PMS2: variants seen among roughly 807,000 people sequenced by gnomAD.
PMS2 encodes mismatch repair endonuclease PMS2.
In PMS2, 69 loss-of-function variants were observed where a neutral mutation model predicts 90.0. That is an observed-to-expected ratio of 0.77 (90% CI 0.63 to 0.94). The LOEUF (loss-of-function observed/expected upper bound fraction) is 0.94. PMS2 is among the 40% of genes least tolerant of loss of function. The probability of loss-of-function intolerance (pLI) is 0.00; values close to 1 mark genes in which losing one functional copy is unlikely to be tolerated. For synonymous variants in PMS2, 332 were observed against 375.1 expected (o/e 0.89, Z 1.33); for missense variants, 966 against 1,040.2 (o/e 0.93, Z 0.98).
intron 14 of PMS2, among the ~76,000 whole-genome samples, chr7:5,976,997 C>T (rs1257075959): frequency 8.4e-6 from 1 of 119,720 alleles, no homozygotes; most frequent in African/African-American, 3.0e-5. Flanking sequence ...TGCCACTGCA[C>T]TCCAGCCTGG....
Position 6,009,012 on chromosome 7 carries a change from C to T in PMS2, c.8G>A (p.Arg3Gln), listed in dbSNP as rs375507981. Reference protein sequence around the residue: MERAESSSTEPAK... With the variant: MEQAESSSTEPAK... ...CCCCGCTCACCTCGAGCTCTCAGCT[C>T]GCTCCATGGATGCAACACCCGATCC... Residue 3 changes from arginine (R) to glutamine (Q), a missense_variant, in exon 1 of 15, where the codon CGA becomes CAA. This residue lies in a region of PMS2 where 871 missense variants were observed against 802.4 expected (regional missense o/e 1.09). Coordinates refer to ENST00000265849, the MANE Select transcript of PMS2 (RefSeq NM_000535.7). The T allele has an allele frequency of 8.1e-6, 13 of 1,612,628 alleles. No homozygotes were observed. Among genetic ancestry groups the T allele is most frequent in the African/African-American group, 4.0e-5 (3 of 75,036 alleles).
intron 2 of PMS2, 149 bp from the exon 3 acceptor site, chr7:6,004,207 T>C: frequency 1.7e-6 from 1 of 604,754 alleles, no homozygotes; most frequent in Non-Finnish European, 3.0e-6. Flanking sequence ...TATTTCATTG[T>C]TATAAAGTCC....
intron 10 of PMS2, among the ~76,000 whole-genome samples, chr7:5,988,179 C>T (rs1230363976): frequency 6.6e-6 from 1 of 151,786 alleles, no homozygotes; most frequent in Non-Finnish European, 1.5e-5. Context: ...TGCCTGAATA[C>T]CTCTGGTAGG....
chr7:6,008,964 A>G (rs762826304), intron 1 of PMS2, 33 bp downstream of exon 1: 1 of 1,612,122 alleles, frequency 6.2e-7, no homozygotes. Flanking sequence ...GGCGCGCGAG[A>G]GGGGACACCG....
intron 5 of PMS2, among the ~76,000 whole-genome samples, chr7:6,001,794 G>A (rs1002806128): frequency 1.3e-5 from 2 of 151,370 alleles, no homozygotes; most frequent in African/African-American, 4.8e-5. Flanking sequence ...GACCAGCCTG[G>A]CCAGCCTGGA....
chr7:6,006,056 A>T (rs1785727283), intron 1 of PMS2, 25 bp from the exon 2 acceptor site: 2 of 1,609,512 alleles, frequency 1.2e-6, no homozygotes. Flanking sequence ...TACAAGAAAC[A>T]AATCAAGTAT....
At chr7:6,008,383 G>C (rs1489909265) in intron 1 of PMS2, among the ~76,000 whole-genome samples, 1 of 152,106 alleles carries the variant, frequency 6.6e-6, no homozygotes, top group Non-Finnish European at 1.5e-5. Context: ...GAAACGTATT[G>C]CATTTTTAAA....
In PMS2 at chr7:5,997,423, A is replaced by G. The variant is rs2128788793; in HGVS notation, c.706T>C (p.Leu236=). The part of the protein sequence containing the change: ...NIGSVFGQKQ[L]QSLIPFVQLP... ...TGAACAAAAGGAATGAGGCTTTGCAACTGAAAAAAAAAAAAAAAAATTCAC... is the reference window on the plus strand; with the variant it reads ...TGAACAAAAGGAATGAGGCTTTGCAGCTGAAAAAAAAAAAAAAAAATTCAC... Residue 236 remains leucine (L), a splice_region_variant and synonymous_variant, in exon 7 of 15, where the codon TTG becomes CTG. Coordinates refer to ENST00000265849, the MANE Select transcript of PMS2 (RefSeq NM_000535.7). The G allele has an allele frequency of 6.7e-7, 1 of 1,485,600 alleles. No individual in the cohort carries two copies. The highest frequency in any genetic ancestry group is 9.2e-7 in the Non-Finnish European group (1 of 1,086,226). The allele number at this position is 1,485,600 out of a possible 1,614,324, so 92.0% of individuals were successfully genotyped here.
intron 11 of PMS2, among the ~76,000 whole-genome samples, chr7:5,983,212 G>C (rs941686584): frequency 1.5e-4 from 23 of 151,420 alleles, no homozygotes; most frequent in African/African-American, 3.9e-4. Context: ...TCCCGGGTTC[G>C]AGTGATTCTT....
chr7:6,003,600 G>C lies in PMS2; in HGVS notation c.353+90C>G, dbSNP rs1785349520. 11 of 750,600 alleles carry C rather than the reference G, an allele frequency of 1.5e-5. No individual in the cohort carries two copies. In the East Asian group the frequency reaches 2.1e-4, roughly 14 times the overall value. The allele number at this position is 750,600 out of a possible 1,614,324, so 46.5% of individuals were successfully genotyped here. On this transcript the variant is annotated intron_variant, in intron 4 of 14. Transcript: ENST00000265849. ...CAGAAGCTAGAAGTTGAGATGTTGA[G>C]ATAGAAAACTGAAAATAATAATGAT...
chr7:5,989,800 C>G lies in PMS2; in HGVS notation c.1144G>C (p.Gly382Arg), dbSNP rs779512948. Reference sequence around the variant, plus strand: ...TGTTTGTACACTGTATTTTTCTTACCTTCAACATCCAGCAGTGGCTGCTGA... The same window carrying G: ...TGTTTGTACACTGTATTTTTCTTACGTTCAACATCCAGCAGTGGCTGCTGA... ...VSQQPLLDVE[G>R]NLIKMHAADL... is the part of the protein sequence containing the mutation. The change falls in exon 10 of 15, where the codon GGT becomes CGT. Residue 382 changes from glycine (G) to arginine (R), a missense_variant and splice_region_variant. Gly to Arg is a moderately radical substitution (Grantham distance 125, BLOSUM62 -2). Around this residue, in one of 2 missense-constraint regions of PMS2, gnomAD observed 871 missense variants for 802.4 expected, o/e 1.09. Transcript: ENST00000265849. 2 of 1,610,802 alleles carry G rather than the reference C, an allele frequency of 1.2e-6. No individual in the cohort carries two copies. The highest frequency in any genetic ancestry group is 1.3e-5 in the African/African-American group (1 of 74,966).
intron 12 of PMS2, among the ~76,000 whole-genome samples, chr7:5,982,549 C>T (rs1323696277): frequency 6.6e-6 from 1 of 152,076 alleles, no homozygotes. Flanking sequence ...GTTGGCCAGG[C>T]TGGTCTCCAA....
In PMS2 at chr7:6,008,994, C is replaced by A. The variant is rs1408475000; in HGVS notation, c.23+3G>T. On this transcript the variant is annotated splice_donor_region_variant and intron_variant, in intron 1 of 14. Transcript: ENST00000265849. ...ACACCGGAAGACTGCGAGCCCCGCT[C>A]ACCTCGAGCTCTCAGCTCGCTCCAT... 6.2e-7 allele frequency: 1 copy of A among 1,612,690 alleles called. No individual in the cohort carries two copies. The highest frequency in any genetic ancestry group is 1.7e-5 in the Admixed American group (1 of 60,026).
chr7:6,003,695 T>G lies in PMS2; in HGVS notation c.348A>C (p.Ala116=), dbSNP rs763057312. The part of the protein sequence containing the change: ...FRGEALSSLC[A]LSDVTISTCH... ...GGATAAAAATATTGTATCACCTCAG[T>G]GCACAAAGTGAGCTCAGAGCTTCCC... is the stretch of plus-strand genomic sequence containing the variant. The change falls in exon 4 of 15, where the codon GCA becomes GCC. Residue 116 remains alanine, a synonymous_variant. Coordinates refer to ENST00000265849, the MANE Select transcript of PMS2 (RefSeq NM_000535.7). 39 of 1,562,592 alleles carry G rather than the reference T, an allele frequency of 2.5e-5. No homozygotes were observed. Among genetic ancestry groups the G allele is most frequent in the South Asian group, 3.3e-5 (3 of 90,112 alleles).
chr7:5,998,985 C>T, intron 6 of PMS2, 123 bp downstream of exon 6: 2 of 933,722 alleles, frequency 2.1e-6, no homozygotes, highest in Non-Finnish European at 3.2e-6. Flanking sequence ...GCGAGACTCC[C>T]TCTCAAAAAA....
chr7:6,002,137 C>T (rs1785151367), intron 5 of PMS2: 3 of 317,242 alleles, frequency 9.5e-6, no homozygotes, highest in South Asian at 8.5e-5. Context: ...TCAAGTGATC[C>T]TCCCACTTCA....
At chr7:5,994,949 T>C (rs1209992676) in intron 8 of PMS2, among the ~76,000 whole-genome samples, 1 of 152,154 alleles carries the variant, frequency 6.6e-6, no homozygotes, top group Non-Finnish European at 1.5e-5. Flanking sequence ...TTGAATACTA[T>C]ACCGAAAAAC....
At position 5,987,144 on chromosome 7, in the gene PMS2, T is replaced by C. The variant is rs2228006; in HGVS notation, c.1621A>G (p.Lys541Glu). The stretch of plus-strand genomic sequence containing the variant: ...ACATCTGAAAAAGAGTCGTCAGTTT[T>C]AGGCGCTTTCTCCTGAGAGTCCACA... Reference protein sequence around the residue: ...EHVDSQEKAPKTDDSFSDVDC... With the variant: ...EHVDSQEKAPETDDSFSDVDC... Residue 541 changes from lysine (K) to glutamate (E), a missense_variant, in exon 11 of 15, where the codon AAA becomes GAA. By Grantham distance (56) the Lys-to-Glu change is moderately conservative (BLOSUM62 1). This residue lies in a region of PMS2 where 871 missense variants were observed against 802.4 expected (regional missense o/e 1.09). Transcript: ENST00000265849. 1,369,768 of 1,611,014 alleles carry C rather than the reference T, an allele frequency of 0.85. 584,176 individuals carry two copies. The highest frequency in any genetic ancestry group is 0.93 in the East Asian group (41,662 of 44,866).
intron 5 of PMS2, among the ~76,000 whole-genome samples, chr7:6,001,182 T>G (rs766871898): frequency 2.2e-4 from 33 of 152,038 alleles, no homozygotes; most frequent in South Asian, 2.1e-4. Context: ...AAGTGCCGAG[T>G]CTTCCAGCCT....
Sources: allele counts gnomAD v4.1 joint callset (sites outside exome capture counted in the v4.1 genomes callset), GRCh38; gene constraint gnomAD v4.1.1; regional missense constraint gnomAD v4.1.1; transcripts MANE v1.5; gene names NCBI Gene and HGNC (gene_info 2026-07-23, HGNC 2026-07-21).